The following RNF150 variants were observed in gnomAD, a reference collection of about 807,000 sequenced individuals.
RNF150 encodes the protein ring finger protein 150.
In RNF150, 24 loss-of-function variants were observed where a neutral mutation model predicts 39.3. The observed-to-expected ratio is 0.61, with a 90% CI of 0.44 to 0.86. RNF150 has a LOEUF of 0.86. RNF150 is among the 40% of genes least tolerant of loss of function. The pLI, the probability that RNF150 is intolerant of heterozygous loss-of-function variation, is 0.00. For missense variants in RNF150, 502 were observed against 587.8 expected (o/e 0.85, Z 1.51); for synonymous variants, 255 against 227.3 (o/e 1.12, Z -1.10).
upstream of RNF150, among the ~76,000 whole-genome samples, chr4:141,138,091 C>T (rs1027887217): frequency 2.6e-5 from 4 of 152,200 alleles, no homozygotes; most frequent in Admixed American, 1.3e-4. Context: ...TCAACCTTGA[C>T]GCTGCTTTTG....
intron 4 of RNF150, among the ~76,000 whole-genome samples, chr4:140,942,181 AC>A (rs1289217617): frequency 1.3e-5 from 2 of 152,176 alleles, no homozygotes; most frequent in Non-Finnish European, 2.9e-5. Context: ...AAACCAAAAA[AC>A]AAAAAACAAA....
intron 1 of RNF150, among the ~76,000 whole-genome samples, chr4:140,982,624 T>A (rs1579025754): frequency 6.6e-6 from 1 of 151,856 alleles, no homozygotes; most frequent in African/African-American, 2.4e-5. Flanking sequence ...TTCTCTGTAG[T>A]GAGCATGGGT....
At chr4:141,040,826 T>C (rs1578660408) in intron 1 of RNF150, among the ~76,000 whole-genome samples, 1 of 152,184 alleles carries the variant, frequency 6.6e-6, no homozygotes, top group African/African-American at 2.4e-5. Context: ...CATTTATATA[T>C]GCAGCATTAA....
intron 1 of RNF150, among the ~76,000 whole-genome samples, chr4:140,995,535 G>A (rs1444137102): frequency 2.0e-5 from 3 of 152,148 alleles, no homozygotes; most frequent in African/African-American, 7.2e-5. Flanking sequence ...CTAGGGAATG[G>A]TAAACTGACA....
intron 6 of RNF150, among the ~76,000 whole-genome samples, chr4:140,872,139 T>C (rs539028292): frequency 6.6e-6 from 1 of 152,364 alleles, no homozygotes; most frequent in Non-Finnish European, 1.5e-5. Flanking sequence ...GATGTTTTAC[T>C]TTGAGGCTAC....
chr4:141,108,912 C>T (rs751977046), intron 1 of RNF150, among the ~76,000 whole-genome samples: 1 of 152,192 alleles, frequency 6.6e-6, no homozygotes, highest in African/African-American at 2.4e-5. Flanking sequence ...TGAAATTTCA[C>T]TGGGGTTCAA....
chr4:141,150,143 G>A lies in RNF150; in HGVS notation c.-6+62651C>T, dbSNP rs181313061. Reference sequence around the variant, plus strand: ...GATTCTGAAAGAACAAAAATGGTGGGAAAATATACTATTTTGTGCATCTAT... The same window carrying A: ...GATTCTGAAAGAACAAAAATGGTGGAAAAATATACTATTTTGTGCATCTAT... On this transcript the variant is annotated intron_variant, in intron 1 of 7. Transcript: ENST00000420921. Among the ~76,000 whole-genome samples, 265 of 152,216 alleles carry A rather than the reference G, an allele frequency of 1.7e-3. 2 individuals carry two copies. The East Asian group carries it at 0.024, about 14-fold the overall frequency.
At chr4:140,900,717 T>C (rs1362583026) in intron 6 of RNF150, among the ~76,000 whole-genome samples, 1 of 152,152 alleles carries the variant, frequency 6.6e-6, no homozygotes, top group Admixed American at 6.6e-5. Flanking sequence ...ATATATACCA[T>C]GATGTGTCTG....
At chr4:141,166,736 T>G (rs1328537152) in intron 1 of RNF150, among the ~76,000 whole-genome samples, 1 of 152,166 alleles carries the variant, frequency 6.6e-6, no homozygotes, top group African/African-American at 2.4e-5. Context: ...TTCGATAAAA[T>G]TCAACACCTT....
At chr4:140,887,634 G>T (rs1189055408) in intron 6 of RNF150, among the ~76,000 whole-genome samples, 1 of 152,144 alleles carries the variant, frequency 6.6e-6, no homozygotes, top group African/African-American at 2.4e-5. Flanking sequence ...GCTTGTACAA[G>T]TGTCACCCTG....
At chr4:141,188,898 G>T (rs1434127682) in intron 1 of RNF150, among the ~76,000 whole-genome samples, 1 of 152,126 alleles carries the variant, frequency 6.6e-6, no homozygotes, top group African/African-American at 2.4e-5. Flanking sequence ...CAAACTCATT[G>T]TCTGTCCAGT....
chr4:141,188,827 C>T (rs988787744), intron 1 of RNF150, among the ~76,000 whole-genome samples: 4 of 152,186 alleles, frequency 2.6e-5, no homozygotes, highest in Non-Finnish European at 5.9e-5. Context: ...TAGAAAATGT[C>T]CTTTAGCTTG....
At chr4:141,153,445 C>T (rs546316167) in intron 1 of RNF150, among the ~76,000 whole-genome samples, 15 of 152,240 alleles carry the variant, frequency 9.9e-5, no homozygotes, top group Admixed American at 6.5e-4. Context: ...TGGCCATCTA[C>T]AAGCCAAGGG....
chr4:141,099,778 C>T (rs1196417713), intron 1 of RNF150, among the ~76,000 whole-genome samples: 1 of 151,562 alleles, frequency 6.6e-6, no homozygotes, highest in East Asian at 1.9e-4. Context: ...CTCAAAACAT[C>T]CAAGTTATAT....
chr4:140,930,452 G>C (rs1731583829), intron 4 of RNF150, among the ~76,000 whole-genome samples: 2 of 152,176 alleles, frequency 1.3e-5, no homozygotes, highest in South Asian at 4.1e-4. Flanking sequence ...ATTCTGGTTT[G>C]CTCAATTCGC....
At chr4:141,019,193 T>C (rs1220183633) in intron 1 of RNF150, among the ~76,000 whole-genome samples, 1 of 151,410 alleles carries the variant, frequency 6.6e-6, no homozygotes. Context: ...AACATTTTAA[T>C]CTTGTTTATG....
At chr4:141,062,263 G>A (rs1737261909) in intron 1 of RNF150, among the ~76,000 whole-genome samples, 1 of 148,806 alleles carries the variant, frequency 6.7e-6, no homozygotes, top group African/African-American at 2.6e-5. Flanking sequence ...AATTCTCTTT[G>A]TTTTATGTCT....
At chr4:141,077,720 T>A (rs1381195300) in intron 1 of RNF150, among the ~76,000 whole-genome samples, 1 of 152,224 alleles carries the variant, frequency 6.6e-6, no homozygotes. Context: ...CCTGGTTAAG[T>A]GACCAACCAG....
intron 1 of RNF150, among the ~76,000 whole-genome samples, chr4:141,069,697 T>G (rs1237119568): frequency 3.3e-5 from 5 of 150,674 alleles, no homozygotes; most frequent in Admixed American, 1.3e-4. Flanking sequence ...TCCTGGACTC[T>G]TTTTGGTTGG....
Sources: allele counts gnomAD v4.1 joint callset (sites outside exome capture counted in the v4.1 genomes callset), GRCh38; gene constraint gnomAD v4.1.1; transcripts MANE v1.5; gene names NCBI Gene and HGNC (gene_info 2026-07-23, HGNC 2026-07-21).